Variants in TSPAN7 observed in about 807,000 individuals in gnomAD.
TSPAN7 encodes the protein tetraspanin-7.
Under a neutral mutation model 17.6 loss-of-function variants are expected in TSPAN7, and 1 was observed. The ratio of observed to expected loss-of-function variants is 0.06; its 90% confidence interval spans 0.02 to 0.27. TSPAN7 has a LOEUF of 0.27. TSPAN7 is among the 10% of genes least tolerant of loss of function. The probability of loss-of-function intolerance (pLI) is 1.00; values close to 1 mark genes in which losing one functional copy is unlikely to be tolerated. For synonymous variants in TSPAN7, 78 were observed against 79.0 expected, an observed-to-expected ratio of 0.99 and a Z score of 0.07; for missense variants, 112 against 201.7, an observed-to-expected ratio of 0.56 and a Z score of 2.69.
At chrX:38,563,937 G>GCCA (rs1346411757) in intron 1 of TSPAN7, among the ~76,000 whole-genome samples, 1 of 111,720 alleles carries the variant, frequency 9.0e-6, no homozygotes, top group African/African-American at 3.3e-5. Context: ...TGCCATAAAA[G>GCCA]CCACCTATTT....
At chrX:38,635,461 A>G (rs888960679) in intron 1 of TSPAN7, among the ~76,000 whole-genome samples, 3 of 111,508 alleles carry the variant, frequency 2.7e-5, no homozygotes, top group Admixed American at 1.9e-4. Flanking sequence ...GATCTTCTAT[A>G]CTATTTCCAT....
At chrX:38,684,052 C>T (rs2069910235) in intron 6 of TSPAN7, among the ~76,000 whole-genome samples, 1 of 112,185 alleles carries the variant, frequency 8.9e-6, no homozygotes, top group Non-Finnish European at 1.9e-5. Flanking sequence ...TGCTCTCCTG[C>T]CCTCGACCTT....
chrX:38,611,252 G>A (rs1482964279), intron 1 of TSPAN7, among the ~76,000 whole-genome samples: 6 of 112,337 alleles, frequency 5.3e-5, no homozygotes, highest in African/African-American at 1.3e-4. Flanking sequence ...GGTGGTATGC[G>A]CATAGCATAC....
intron 2 of TSPAN7, among the ~76,000 whole-genome samples, chrX:38,668,939 T>G (rs1419441553): frequency 9.0e-6 from 1 of 110,821 alleles, no homozygotes; most frequent in African/African-American, 3.3e-5. Flanking sequence ...AGCATTTATT[T>G]TTTTTTTTGT....
intron 1 of TSPAN7, among the ~76,000 whole-genome samples, chrX:38,636,133 C>G (rs1388687926): frequency 9.2e-6 from 1 of 108,344 alleles, no homozygotes; most frequent in Non-Finnish European, 1.9e-5. Flanking sequence ...GGGGCTATAC[C>G]CCAGAATCAG....
intron 1 of TSPAN7, among the ~76,000 whole-genome samples, chrX:38,639,696 G>A (rs1050801562): frequency 9.3e-6 from 1 of 107,899 alleles, no homozygotes; most frequent in Admixed American, 1.0e-4. Context: ...TTATGGGATG[G>A]TTCTATTGCT....
chrX:38,583,184 C>T (rs1298897682), intron 1 of TSPAN7, among the ~76,000 whole-genome samples: 1 of 112,561 alleles, frequency 8.9e-6, no homozygotes, highest in Non-Finnish European at 1.9e-5. Context: ...CCTCACTGTA[C>T]TTCCTCCCCA....
At chrX:38,586,310 T>G (rs17145060) in intron 1 of TSPAN7, among the ~76,000 whole-genome samples, 5,095 of 112,445 alleles carry the variant, frequency 0.045, 237 homozygotes, top group African/African-American at 0.14. Flanking sequence ...TGGGAGTTTT[T>G]CAATATTTGA....
At chrX:38,581,531 C>T (rs992613490) in intron 1 of TSPAN7, among the ~76,000 whole-genome samples, 2 of 111,509 alleles carry the variant, frequency 1.8e-5, no homozygotes, top group South Asian at 3.9e-4. Flanking sequence ...CCACTGGGTC[C>T]CTCCCACGAC....
intron 1 of TSPAN7, among the ~76,000 whole-genome samples, chrX:38,562,559 G>A (rs1204878149): frequency 3.0e-5 from 3 of 100,595 alleles, no homozygotes; most frequent in African/African-American, 1.2e-4. Context: ...CGGGGGAGGG[G>A]GGAGGAGGAG....
rs1348894535 is a variant in TSPAN7 at position 38,681,232 on chromosome X, T to C, written c.626T>C (p.Met209Thr). The C allele has an allele frequency of 8.3e-7, 1 of 1,210,581 alleles. No homozygotes were observed. Among genetic ancestry groups the C allele is most frequent in the Non-Finnish European group, 1.1e-6 (1 of 894,389 alleles). The change falls in exon 6 of 8, where the codon ATG (methionine) becomes ACG (threonine). Residue 209 changes from methionine (M) to threonine (T), a missense_variant. Transcript: ENST00000378482. ...KGCYDLVTSF[M>T]ETNMGIIAGV... ...TGTTATGATCTGGTAACTAGTTTCA[T>C]GGAGACTAACATGGGAATCATCGCT... is the stretch of plus-strand genomic sequence containing the variant.
At chrX:38,566,644 A>G (rs962917199) in intron 1 of TSPAN7, among the ~76,000 whole-genome samples, 9 of 111,962 alleles carry the variant, frequency 8.0e-5, no homozygotes, top group African/African-American at 1.3e-4. Context: ...TGATAGTTCA[A>G]TCATTATATT....
chrX:38,566,123 G>A (rs1249149019), intron 1 of TSPAN7, among the ~76,000 whole-genome samples: 1 of 112,394 alleles, frequency 8.9e-6, no homozygotes, highest in Non-Finnish European at 1.9e-5. Flanking sequence ...CCGTAGCAGA[G>A]CATGCGCAAC....
intron 1 of TSPAN7, among the ~76,000 whole-genome samples, chrX:38,644,005 C>T (rs769787355): frequency 6.7e-4 from 75 of 111,660 alleles, no homozygotes; most frequent in African/African-American, 2.3e-3. Context: ...CCTGACAATG[C>T]CCTGTGCTTC....
intron 1 of TSPAN7, among the ~76,000 whole-genome samples, chrX:38,636,926 A>G (rs1487182160): frequency 8.9e-6 from 1 of 112,020 alleles, no homozygotes; most frequent in Admixed American, 9.4e-5. Context: ...AAGTGCTGGG[A>G]TTATAGGCGT....
intron 1 of TSPAN7, among the ~76,000 whole-genome samples, chrX:38,640,761 G>A (rs762062632): frequency 5.3e-5 from 6 of 112,405 alleles, no homozygotes; most frequent in Admixed American, 9.4e-5. Context: ...GGCATTTACT[G>A]TGTAGGAAGG....
intron 2 of TSPAN7, among the ~76,000 whole-genome samples, chrX:38,667,163 T>C (rs1296589524): frequency 9.0e-6 from 1 of 111,492 alleles, no homozygotes. Context: ...GTGTCAAGTG[T>C]TGGCTACCAG....
intron 1 of TSPAN7, among the ~76,000 whole-genome samples, chrX:38,641,420 T>C (rs2069611364): frequency 8.9e-6 from 1 of 112,001 alleles, no homozygotes; most frequent in Admixed American, 9.5e-5. Flanking sequence ...CAGAGTTAAC[T>C]ATGACGAAAG....
chrX:38,642,858 G>A (rs932051170), intron 1 of TSPAN7, among the ~76,000 whole-genome samples: 1 of 110,651 alleles, frequency 9.0e-6, no homozygotes, highest in African/African-American at 3.3e-5. Flanking sequence ...CTCCCATGAG[G>A]TAGGATTATT....
Sources: allele counts gnomAD v4.1 joint callset (sites outside exome capture counted in the v4.1 genomes callset), GRCh38; gene constraint gnomAD v4.1.1; transcripts MANE v1.5; gene names NCBI Gene and HGNC (gene_info 2026-07-23, HGNC 2026-07-21).